The following CCDC7 variants were observed in gnomAD, a reference collection of about 807,000 sequenced individuals.
CCDC7 encodes the protein coiled-coil domain containing 7.
A neutral mutation model predicts 196.9 loss-of-function variants in CCDC7; 183 were observed. The observed-to-expected ratio is 0.93, with a 90% CI of 0.82 to 1.05. CCDC7 has a LOEUF of 1.05. Ranked by LOEUF, CCDC7 falls within the 50% of genes least tolerant of loss-of-function variation. The pLI is 0.00. For missense variants in CCDC7, 1,540 were observed against 1,482.2 expected (o/e 1.04, Z -0.64); for synonymous variants, 525 against 484.6 (o/e 1.08, Z -1.10).
chr10:32,660,394 C>T lies in CCDC7; in HGVS notation c.2015-3660C>T, dbSNP rs541319920. On this transcript the variant is annotated intron_variant, in intron 20 of 41. Coordinates refer to ENST00000639629, the Ensembl canonical transcript of CCDC7. ...TGTGGTGTTTGGTTTTTTGTTCTTG[C>T]GATAGTTTACTGAGAATGATGATTT... is the stretch of plus-strand genomic sequence containing the variant. 7.1e-4 allele frequency among the ~76,000 whole-genome samples: 98 copies of T among 137,412 alleles called. 2 individuals are homozygous for T. Among genetic ancestry groups the T allele is most frequent in the Admixed American group, 6.1e-4 (8 of 13,040 alleles). The allele number at this position is 137,412 out of a possible 152,430, so 90.1% of individuals were successfully genotyped here.
At chr10:32,755,946 A>C (rs1312959454) in intron 28 of CCDC7, among the ~76,000 whole-genome samples, 4 of 152,226 alleles carry the variant, frequency 2.6e-5, no homozygotes, top group Admixed American at 2.6e-4. Flanking sequence ...TGGCACGAGA[A>C]CTATGTGATA....
chr10:32,611,895 C>G (rs2062188338), intron 18 of CCDC7, among the ~76,000 whole-genome samples: 1 of 152,166 alleles, frequency 6.6e-6, no homozygotes, highest in Non-Finnish European at 1.5e-5. Context: ...ATTGTCTTGG[C>G]TATACAGGCT....
At chr10:32,699,420 A>G (rs2078269339) in intron 24 of CCDC7, among the ~76,000 whole-genome samples, 1 of 151,772 alleles carries the variant, frequency 6.6e-6, no homozygotes. Flanking sequence ...TCCATGGTGT[A>G]TATGTGCCAC....
At chr10:32,770,838 A>G (rs2079056279) in intron 28 of CCDC7, among the ~76,000 whole-genome samples, 1 of 152,090 alleles carries the variant, frequency 6.6e-6, no homozygotes, top group Non-Finnish European at 1.5e-5. Context: ...TGTACTGACC[A>G]TCATTGTCTT....
At chr10:32,561,567 A>G (rs1397754252) in intron 13 of CCDC7, among the ~76,000 whole-genome samples, 9 of 152,212 alleles carry the variant, frequency 5.9e-5, no homozygotes, top group African/African-American at 2.2e-4. Flanking sequence ...ACATAACGAA[A>G]TGAAGGCAGA....
At position 32,470,350 on chromosome 10, in the gene CCDC7, T is replaced by G. The variant is rs199932592; in HGVS notation, c.511-714T>G. Among the ~76,000 whole-genome samples the G allele has an allele frequency of 2.2e-4, 33 of 152,286 alleles. 1 individual carries two copies. The East Asian group carries it at 6.2e-3, about 28-fold the overall frequency. On this transcript the variant is annotated intron_variant, in intron 5 of 41. Transcript: ENST00000639629. ...CTTGTGCCATTTTCCTATCAAAACT[T>G]GCTGACCCCAATTGCTATTCTGCTT...
chr10:32,543,604 G>C (rs184162005), intron 12 of CCDC7, among the ~76,000 whole-genome samples: 139 of 152,110 alleles, frequency 9.1e-4, no homozygotes, highest in African/African-American at 3.1e-3. Context: ...AGAGGAGATT[G>C]AACCACAATA....
intron 32 of CCDC7, among the ~76,000 whole-genome samples, chr10:32,832,247 A>G (rs927813626): frequency 6.6e-6 from 1 of 152,106 alleles, no homozygotes; most frequent in Non-Finnish European, 1.5e-5. Flanking sequence ...CATGCTTGTA[A>G]TCCCAGCACT....
intron 11 of CCDC7, among the ~76,000 whole-genome samples, chr10:32,539,496 G>A (rs1437666441): frequency 6.6e-6 from 1 of 151,440 alleles, no homozygotes; most frequent in Non-Finnish European, 1.5e-5. Context: ...TTGATCTTTT[G>A]TATTTTTTTT....
chr10:32,825,083 G>A (rs2090912951), intron 32 of CCDC7, among the ~76,000 whole-genome samples: 1 of 152,170 alleles, frequency 6.6e-6, no homozygotes, highest in East Asian at 1.9e-4. Context: ...TGCATTTTTA[G>A]TGGTGAAACA....
chr10:32,567,948 A>G (rs1461816956), intron 15 of CCDC7, 57 bp downstream of exon 16: 4 of 1,471,614 alleles, frequency 2.7e-6, no homozygotes, highest in Non-Finnish European at 3.6e-6. Flanking sequence ...TTTGTCTTTT[A>G]TATTATTATT....
At chr10:32,727,055 A>G (rs1296872911) in intron 26 of CCDC7, among the ~76,000 whole-genome samples, 4 of 152,140 alleles carry the variant, frequency 2.6e-5, no homozygotes, top group Non-Finnish European at 4.4e-5. Flanking sequence ...CATGCACTCA[A>G]TATCTACCAA....
chr10:32,561,015 G>A (rs1213849408), intron 13 of CCDC7, among the ~76,000 whole-genome samples: 1 of 145,344 alleles, frequency 6.9e-6, no homozygotes, highest in East Asian at 2.1e-4. Context: ...GGCAGGGATT[G>A]CAATCCTAGT....
intron 29 of CCDC7, among the ~76,000 whole-genome samples, chr10:32,790,675 T>C (rs2082550314): frequency 6.6e-6 from 1 of 151,994 alleles, no homozygotes; most frequent in South Asian, 2.1e-4. Context: ...TTGGAATGCA[T>C]TTTTTCTCCA....
At chr10:32,824,406 A>AT in intron 31 of CCDC7, 112 bp from the exon 33 acceptor site, 1 of 584,892 alleles carries the variant, frequency 1.7e-6, no homozygotes, top group South Asian at 3.5e-5. Context: ...ACACTTTATT[A>AT]TAATTCTACT....
rs552704501 is a variant in CCDC7 at position 32,729,318 on chromosome 10, T to A, written c.2780-14T>A. On this transcript the variant is annotated splice_polypyrimidine_tract_variant and intron_variant, in intron 27 of 41. Coordinates refer to ENST00000639629, the Ensembl canonical transcript of CCDC7. Reference sequence around the variant, plus strand: ...TCCAGAAGTTCTATTGCACATCTATTTTTTTCTATTTAGCGTTTCCTTTAG... The same window carrying A: ...TCCAGAAGTTCTATTGCACATCTATATTTTTCTATTTAGCGTTTCCTTTAG... 8 of 1,547,674 alleles carry A rather than the reference T, an allele frequency of 5.2e-6. No homozygotes were observed. The highest frequency in any genetic ancestry group is 1.4e-5 in the African/African-American group (1 of 71,918).
intron 30 of CCDC7, among the ~76,000 whole-genome samples, chr10:32,809,251 C>T (rs749950950): frequency 4.0e-5 from 6 of 151,718 alleles, no homozygotes; most frequent in South Asian, 4.2e-4. Flanking sequence ...ATTAATGAAA[C>T]GCCTGAAACA....
intron 8 of CCDC7, among the ~76,000 whole-genome samples, chr10:32,479,748 C>G (rs1376735066): frequency 1.3e-5 from 2 of 151,890 alleles, no homozygotes; most frequent in Non-Finnish European, 2.9e-5. Flanking sequence ...CCTTCCTCTT[C>G]AAGATTTTCG....
chr10:32,654,288 G>T (rs1039603839), intron 20 of CCDC7, among the ~76,000 whole-genome samples: 1 of 152,036 alleles, frequency 6.6e-6, no homozygotes, highest in Non-Finnish European at 1.5e-5. Flanking sequence ...TAGAATCTTT[G>T]TCTAGTAAGT....
Sources: gnomAD v4.1 joint callset for allele counts (sites outside exome capture counted in the v4.1 genomes callset) on GRCh38, gnomAD v4.1.1 for gene constraint, MANE v1.5 for transcripts, NCBI Gene and HGNC (gene_info 2026-07-23, HGNC 2026-07-21) for gene names.